PCYT1A: variants seen among roughly 807,000 people sequenced by gnomAD.
The protein encoded by PCYT1A is choline-phosphate cytidylyltransferase A.
A neutral mutation model predicts 43.7 loss-of-function variants in PCYT1A; 25 were observed. The ratio of observed to expected loss-of-function variants is 0.57; its 90% CI spans 0.42 to 0.80. The LOEUF (loss-of-function observed/expected upper bound fraction) is 0.80. Ranked by LOEUF, PCYT1A falls within the 30% of genes least tolerant of loss-of-function variation. The pLI, the probability that PCYT1A is intolerant of heterozygous loss-of-function variation, is 0.00. For missense variants in PCYT1A, 421 were observed against 474.2 expected (o/e 0.89, Z 1.04); for synonymous variants, 172 against 170.7 (o/e 1.01, Z -0.06).
rs765336850 is a variant in PCYT1A at position 196,270,545 on chromosome 3, G to A, written c.-10-4C>T. ...CTGTGCATCCATCTTCTTTTAACTGGTCATAGAAAGTGAAAACAAAAATTT... is the reference window on the plus strand; with the variant it reads ...CTGTGCATCCATCTTCTTTTAACTGATCATAGAAAGTGAAAACAAAAATTT... On this transcript the variant is annotated splice_region_variant and splice_polypyrimidine_tract_variant and intron_variant, in intron 1 of 8. Transcript: ENST00000431016. The A allele has an allele frequency of 5.6e-5, 89 of 1,591,142 alleles. No homozygotes were observed. Among genetic ancestry groups the A allele is most frequent in the Non-Finnish European group, 7.3e-5 (85 of 1,159,296 alleles).
chr3:196,258,781 T>C (rs1055573147), intron 2 of PCYT1A, among the ~76,000 whole-genome samples: 13 of 151,794 alleles, frequency 8.6e-5, no homozygotes, highest in Non-Finnish European at 1.8e-4. Context: ...AGAGACAAGG[T>C]CTCACTACGT....
rs571363921 is a variant in PCYT1A, at chr3:196,268,719, C to G, written c.117+1696G>C. On this transcript the variant is annotated intron_variant, in intron 2 of 8. Transcript: ENST00000431016. The surrounding 1 kb of genome is among the most constrained non-coding windows in gnomAD (Gnocchi z 4.4). ...CTGAGGCAGGGAAATCACTTGAACC[C>G]AAGAGGCAGACGTTGCAGTGAACCG... is the stretch of plus-strand genomic sequence containing the variant. Among the ~76,000 whole-genome samples the G allele has an allele frequency of 2.6e-5, 4 of 152,282 alleles. No homozygotes were observed. In the South Asian group the frequency reaches 6.2e-4, roughly 24 times the overall value.
rs374588505 is a variant in PCYT1A, at chr3:196,248,381, T to C, written c.218-58A>G. The C allele has an allele frequency of 5.9e-4, 658 of 1,117,414 alleles. 6 individuals are homozygous for C. The African/African-American group carries it at 8.8e-3, about 15-fold the overall frequency. The allele number at this position is 1,117,414 out of a possible 1,614,324, so 69.2% of individuals were successfully genotyped here. ...TACCTTTTTTTTTGTCATTTTTATT[T>C]TTATTTTTGAGGCCGAGTCTCACTC... is the stretch of plus-strand genomic sequence containing the variant. On this transcript the variant is annotated intron_variant, in intron 3 of 8. Transcript: ENST00000431016.
rs115533470 is a variant in PCYT1A at position 196,283,811 on chromosome 3, G to T, written c.-11+3804C>A. On this transcript the variant is annotated intron_variant, in intron 1 of 8. Transcript: ENST00000431016. ...GCAGATAAGCAGGAGGGTTGACAAGGCCTAAAGTGCTGATCCCCTCACTCT... is the reference window on the plus strand; with the variant it reads ...GCAGATAAGCAGGAGGGTTGACAAGTCCTAAAGTGCTGATCCCCTCACTCT... 9.2e-4 allele frequency among the ~76,000 whole-genome samples: 140 copies of T among 152,248 alleles called. 1 individual carries two copies. Among genetic ancestry groups the T allele is most frequent in the African/African-American group, 3.2e-3 (133 of 41,542 alleles).
At chr3:196,266,942 G>A (rs1343168736) in intron 2 of PCYT1A, among the ~76,000 whole-genome samples, 6 of 151,868 alleles carry the variant, frequency 4.0e-5, no homozygotes, top group Non-Finnish European at 7.4e-5. Context: ...AGGCCGAGGC[G>A]GGCGGATTAC....
chr3:196,249,211 G>A (rs1237986731), intron 3 of PCYT1A, among the ~76,000 whole-genome samples: 3 of 151,716 alleles, frequency 2.0e-5, no homozygotes, highest in Non-Finnish European at 4.4e-5. Context: ...CACTGATGTG[G>A]TCACAGCTCA....
chr3:196,257,606 A>G (rs1724987046), intron 3 of PCYT1A, among the ~76,000 whole-genome samples, 182 bp downstream of exon 3: 3 of 152,218 alleles, frequency 2.0e-5, no homozygotes, highest in African/African-American at 7.2e-5. Flanking sequence ...AAAAAAATGA[A>G]AGTTTATGGA....
intron 1 of PCYT1A, among the ~76,000 whole-genome samples, chr3:196,279,227 G>A (rs1227715381): frequency 6.7e-6 from 1 of 150,150 alleles, no homozygotes; most frequent in Non-Finnish European, 1.5e-5. Flanking sequence ...GACGGAGGCT[G>A]CAGTGAGCCA....
chr3:196,235,609 C>A lies in PCYT1A; in HGVS notation c.*3079G>T, dbSNP rs1724138438. On this transcript the variant is annotated 3_prime_UTR_variant, in exon 9 of 9. Coordinates refer to ENST00000431016, the MANE Select transcript of PCYT1A (RefSeq NM_001312673.2). This position sits in a 1 kb window ranked among gnomAD's most constrained non-coding sequence, Gnocchi z 4.3. ...GCTTTCCGTCCGGCCCACCGGAAGG[C>A]AGTGGCTGCGCCGGCACCTCCCCGG... 1 of 152,352 alleles carries A rather than the reference C, an allele frequency of 6.6e-6. No individual in the cohort carries two copies. Among genetic ancestry groups the A allele is most frequent in the Non-Finnish European group, 1.5e-5 (1 of 68,126 alleles). The allele number at this position is 152,352 out of a possible 1,614,324, so 9.4% of individuals were successfully genotyped here.
Position 196,252,030 on chromosome 3 carries a change from C to T in PCYT1A, c.218-3707G>A, listed in dbSNP as rs1178577382. On this transcript the variant is annotated intron_variant, in intron 3 of 8. Coordinates refer to ENST00000431016, the MANE Select transcript of PCYT1A (RefSeq NM_001312673.2). The surrounding 1 kb of genome is among the most constrained non-coding windows in gnomAD (Gnocchi z 4.0). ...GCTCAAATGATCCTCCCGCCTCAGC[C>T]TCCCGAGAAGCTGGGACTACAGCGC... 6.6e-6 allele frequency among the ~76,000 whole-genome samples: 1 copy of T among 152,150 alleles called. No homozygotes were observed. Among genetic ancestry groups the T allele is most frequent in the African/African-American group, 2.4e-5 (1 of 41,420 alleles).
At chr3:196,267,166 G>A (rs561098632) in intron 2 of PCYT1A, 236 of 302,946 alleles carry the variant, frequency 7.8e-4, no homozygotes, top group African/African-American at 5.5e-3. Context: ...GCGACAGAGC[G>A]AGACTCAGTC....
Position 196,242,140 on chromosome 3 carries a change from A to C in PCYT1A, c.566-50T>G, listed in dbSNP as rs1577354267. On this transcript the variant is annotated intron_variant, in intron 6 of 8. Transcript: ENST00000431016. The surrounding 1 kb of genome is among the most constrained non-coding windows in gnomAD (Gnocchi z 4.2). ...AACACTGTGAGGTTCTGGTTAGCTC[A>C]GGTATTAAGACTAAATGGAAATTGG... The C allele has an allele frequency of 6.3e-7, 1 of 1,591,838 alleles. No homozygotes were observed. The highest frequency in any genetic ancestry group is 1.3e-5 in the African/African-American group (1 of 74,652).
chr3:196,270,694 C>A (rs1352504640), intron 1 of PCYT1A, among the ~76,000 whole-genome samples, 153 bp from the exon 2 acceptor site: 1 of 152,208 alleles, frequency 6.6e-6, no homozygotes, highest in African/African-American at 2.4e-5. Flanking sequence ...CTGGCAAAAC[C>A]AGCGAAGCTT....
intron 3 of PCYT1A, among the ~76,000 whole-genome samples, chr3:196,251,084 A>G (rs1724759148): frequency 6.7e-6 from 1 of 149,848 alleles, no homozygotes; most frequent in Non-Finnish European, 1.5e-5. Flanking sequence ...GAGGCTGAGG[A>G]CCAGATACAC....
chr3:196,257,605 A>G (rs537235854), intron 3 of PCYT1A, among the ~76,000 whole-genome samples, 183 bp downstream of exon 3: 2 of 152,350 alleles, frequency 1.3e-5, no homozygotes, highest in Admixed American at 1.3e-4. Context: ...AAAAAAAATG[A>G]AAGTTTATGG....
intron 3 of PCYT1A, chr3:196,250,835 A>G (rs963866036): frequency 1.7e-5 from 3 of 173,308 alleles, no homozygotes; most frequent in Admixed American, 1.3e-4. Flanking sequence ...GACCAGATAC[A>G]CTATGCTGAG....
intron 2 of PCYT1A, among the ~76,000 whole-genome samples, chr3:196,267,846 A>G (rs994721945): frequency 4.6e-5 from 7 of 152,264 alleles, no homozygotes; most frequent in African/African-American, 1.7e-4. Flanking sequence ...GCTGTTAAAA[A>G]AAGAAAAAAG....
At chr3:196,266,052 TA>T (rs199734052) in intron 2 of PCYT1A, among the ~76,000 whole-genome samples, 1 of 149,638 alleles carries the variant, frequency 6.7e-6, no homozygotes, top group Non-Finnish European at 1.5e-5. Context: ...AAGTGCCCAT[TA>T]AAAAAAAATA....
At chr3:196,241,689 C>T in intron 7 of PCYT1A, 1 of 1,414,612 alleles carries the variant, frequency 7.1e-7, no homozygotes, top group Non-Finnish European at 9.4e-7. Flanking sequence ...CATTTATTGA[C>T]AGAAATACTG....
Sources: gnomAD v4.1 joint callset for allele counts (sites outside exome capture counted in the v4.1 genomes callset) on GRCh38, gnomAD v4.1.1 for gene constraint, Gnocchi (gnomAD v3.1) non-coding constraint, MANE v1.5 for transcripts, NCBI Gene and HGNC (gene_info 2026-07-23, HGNC 2026-07-21) for gene names.